The following AP2B1 variants were observed in gnomAD, a reference collection of about 807,000 sequenced individuals.
The protein encoded by AP2B1 is adaptor related protein complex 2 subunit beta 1, also known as AP-2 complex subunit beta.
Under a neutral mutation model 102.0 loss-of-function variants are expected in AP2B1, and 23 were observed. The ratio of observed to expected loss-of-function variants is 0.23; its 90% CI spans 0.16 to 0.32. The LOEUF (loss-of-function observed/expected upper bound fraction) is 0.32, where lower values mean the gene tolerates loss of function less well. AP2B1 is among the 10% of genes least tolerant of loss of function. AP2B1 has a pLI of 1.00. For synonymous variants in AP2B1, 381 were observed against 421.2 expected (o/e 0.90, Z 1.17); for missense variants, 541 against 1,157.4 (o/e 0.47, Z 7.73).
intron 12 of AP2B1, among the ~76,000 whole-genome samples, chr17:35,645,562 A>G (rs1567889476): frequency 6.6e-6 from 1 of 152,102 alleles, no homozygotes; most frequent in Admixed American, 6.5e-5. Context: ...AAAGAATACA[A>G]ACAAAGGCCG....
Position 35,717,185 on chromosome 17 carries a change from G to C in AP2B1, c.2627-10G>C, listed in dbSNP as rs782285300. On this transcript the variant is annotated splice_polypyrimidine_tract_variant and intron_variant, in intron 20 of 21. Transcript: ENST00000610402. ...ACTGAAGGTGTTGGATTTTGAATCTGTATTTCTAGACACTGTTTCCAGCAA... is the reference window on the plus strand; with the variant it reads ...ACTGAAGGTGTTGGATTTTGAATCTCTATTTCTAGACACTGTTTCCAGCAA... 6.2e-7 allele frequency: 1 copy of C among 1,613,144 alleles called. No homozygotes were observed. Among genetic ancestry groups the C allele is most frequent in the Admixed American group, 1.7e-5 (1 of 59,960 alleles).
intron 18 of AP2B1, among the ~76,000 whole-genome samples, chr17:35,694,263 A>T (rs973490050): frequency 1.3e-5 from 2 of 151,794 alleles, no homozygotes; most frequent in Non-Finnish European, 2.9e-5. Context: ...GTTTTTTTTC[A>T]GTCAGGGTCT....
At chr17:35,718,831 A>T (rs2085267316) in intron 21 of AP2B1, among the ~76,000 whole-genome samples, 1 of 150,034 alleles carries the variant, frequency 6.7e-6, no homozygotes. Context: ...ATAGTCTTCC[A>T]TCTCAGCTAG....
chr17:35,676,825 T>C (rs1397598491), intron 17 of AP2B1, among the ~76,000 whole-genome samples: 1 of 152,206 alleles, frequency 6.6e-6, no homozygotes, highest in Non-Finnish European at 1.5e-5. Flanking sequence ...AGCTCAAATC[T>C]TTGCCTTTTG....
At chr17:35,704,814 C>T (rs587759692) in intron 18 of AP2B1, among the ~76,000 whole-genome samples, 8 of 152,178 alleles carry the variant, frequency 5.3e-5, no homozygotes, top group African/African-American at 1.9e-4. Context: ...GGGCAGATCA[C>T]GAGGTCAGGA....
At chr17:35,706,065 G>A (rs1220825803) in intron 18 of AP2B1, among the ~76,000 whole-genome samples, 1 of 152,184 alleles carries the variant, frequency 6.6e-6, no homozygotes, top group Non-Finnish European at 1.5e-5. Context: ...CTTCTGATGT[G>A]TGGGTATCCT....
chr17:35,622,937 T>G (rs1270886268), intron 5 of AP2B1, among the ~76,000 whole-genome samples: 1 of 152,120 alleles, frequency 6.6e-6, no homozygotes, highest in Non-Finnish European at 1.5e-5. Context: ...AGTGTTGGGT[T>G]TACAGGCGTG....
chr17:35,720,528 A>G (rs1309095003), intron 21 of AP2B1, among the ~76,000 whole-genome samples: 1 of 124,322 alleles, frequency 8.0e-6, no homozygotes, highest in Non-Finnish European at 1.6e-5. Context: ...CCTTTGTCCC[A>G]TATATTTTTA....
At chr17:35,643,445 T>G (rs1357842413) in intron 12 of AP2B1, among the ~76,000 whole-genome samples, 1 of 152,196 alleles carries the variant, frequency 6.6e-6, no homozygotes. Flanking sequence ...CATTGTCTGT[T>G]AAAGCCTATG....
Position 35,725,748 on chromosome 17 carries a change from T to C in AP2B1, c.*2049T>C, listed in dbSNP as rs2085506820. 6.6e-6 allele frequency: 1 copy of C among 152,618 alleles called. No individual in the cohort carries two copies. The highest frequency in any genetic ancestry group is 2.4e-5 in the African/African-American group (1 of 41,444). 9.5% of individuals were successfully genotyped at this position (152,618 alleles called of 1,614,324 possible). On this transcript the variant is annotated 3_prime_UTR_variant, in exon 22 of 22. Transcript: ENST00000610402. ...AAGGTTCACACTGCAAATAGTGTTC[T>C]CATCTCAAAGCAAACTATCATTCCA...
chr17:35,718,842 G>A (rs1367693630), intron 21 of AP2B1, among the ~76,000 whole-genome samples: 1 of 151,692 alleles, frequency 6.6e-6, no homozygotes, highest in African/African-American at 2.4e-5. Flanking sequence ...TCTCAGCTAG[G>A]TTAAAGGAGC....
intron 18 of AP2B1, among the ~76,000 whole-genome samples, chr17:35,706,074 C>G (rs2076335158): frequency 6.6e-6 from 1 of 152,096 alleles, no homozygotes; most frequent in Non-Finnish European, 1.5e-5. Flanking sequence ...TGTGGGTATC[C>G]TAGCTCCTCA....
At chr17:35,638,401 G>A (rs1007586446) in intron 10 of AP2B1, among the ~76,000 whole-genome samples, 1 of 152,166 alleles carries the variant, frequency 6.6e-6, no homozygotes, top group Non-Finnish European at 1.5e-5. Flanking sequence ...AAGCCTGAGA[G>A]AGCTGTAGAT....
Position 35,658,272 on chromosome 17 carries a change from T to C in AP2B1, c.1989+481T>C, listed in dbSNP as rs978953690. Among the ~76,000 whole-genome samples, 70 of 86,848 alleles carry C rather than the reference T, an allele frequency of 8.1e-4. 1 individual carries two copies. Among genetic ancestry groups the C allele is most frequent in the Non-Finnish European group, 1.1e-3 (52 of 47,156 alleles). The allele number at this position is 86,848 out of a possible 152,430, so 57.0% of individuals were successfully genotyped here. ...AAGGTTTTGAGGCAGCCTTTTTTTT[T>C]CTTCTTCTTCTTTTTTTTTTTTTAA... On this transcript the variant is annotated intron_variant, in intron 14 of 21. Transcript: ENST00000610402.
intron 21 of AP2B1, 148 bp downstream of exon 21, chr17:35,717,497 GC>G: frequency 1.1e-6 from 1 of 880,652 alleles, no homozygotes. Flanking sequence ...GCTTCCATTT[GC>G]CTCAATGGAA....
At chr17:35,653,750 G>A (rs949466119) in intron 13 of AP2B1, among the ~76,000 whole-genome samples, 11 of 151,696 alleles carry the variant, frequency 7.3e-5, no homozygotes, top group East Asian at 1.9e-4. Flanking sequence ...TGCCAGGATC[G>A]CAGACGTGAG....
chr17:35,649,820 G>A (rs986446264), intron 12 of AP2B1, among the ~76,000 whole-genome samples: 5 of 151,920 alleles, frequency 3.3e-5, no homozygotes, highest in South Asian at 4.2e-4. Context: ...GGAGTGCAGC[G>A]GTGCAGTCAT....
chr17:35,614,623 CCT>C (rs2073960250), intron 5 of AP2B1, among the ~76,000 whole-genome samples: 1 of 142,956 alleles, frequency 7.0e-6, no homozygotes, highest in African/African-American at 2.6e-5. Context: ...ATTGTTCTGT[CCT>C]CTCTGCAAAA....
At chr17:35,597,056 C>T (rs2073312049) in intron 2 of AP2B1, 3 of 573,548 alleles carry the variant, frequency 5.2e-6, no homozygotes, top group Admixed American at 2.5e-5. Context: ...GGGCCGTGGC[C>T]GGGGGCGAAG....
Sources: allele counts gnomAD v4.1 joint callset (sites outside exome capture counted in the v4.1 genomes callset), GRCh38; gene constraint gnomAD v4.1.1; transcripts MANE v1.5; gene names NCBI Gene and HGNC (gene_info 2026-07-23, HGNC 2026-07-21).